Variants in PRDM10 observed in about 807,000 individuals in gnomAD.
The protein encoded by PRDM10 is PR domain zinc finger protein 10.
In PRDM10, 65 loss-of-function variants were observed where a neutral mutation model predicts 133.1. That is an observed-to-expected ratio of 0.49 (90% CI 0.40 to 0.60). The LOEUF is 0.60. Ranked by LOEUF, PRDM10 falls within the 20% of genes least tolerant of loss-of-function variation. The pLI, the probability that PRDM10 is intolerant of heterozygous loss-of-function variation, is 0.00. For synonymous variants in PRDM10, 582 were observed against 580.4 expected (o/e 1.00, Z -0.04); for missense variants, 1,137 against 1,507.1 (o/e 0.75, Z 4.07).
chr11:129,977,302 T>C (rs905661977), intron 1 of PRDM10, among the ~76,000 whole-genome samples: 1 of 113,746 alleles, frequency 8.8e-6, no homozygotes, highest in Non-Finnish European at 1.9e-5. Flanking sequence ...ACACACACAT[T>C]GAGATGCAGT....
Position 129,931,082 on chromosome 11 carries a change from T to C in PRDM10, c.1464A>G (p.Glu488=). Residue 488 remains glutamate, a synonymous_variant, in exon 11 of 21, where the codon GAA becomes GAG. Coordinates refer to ENST00000360871, the MANE Select transcript of PRDM10 (RefSeq NM_199437.2). ...THTLHLQPQH[E]ESVVPTQSTL... ...TGCTCTGGGTGGGCACCACGCTCTC[T>C]TCATGCTGCGGCTGCAGGTGCAGGG... 6.2e-7 allele frequency: 1 copy of C among 1,614,222 alleles called. No homozygotes were observed. The highest frequency in any genetic ancestry group is 8.5e-7 in the Non-Finnish European group (1 of 1,180,036).
intron 1 of PRDM10, among the ~76,000 whole-genome samples, chr11:130,002,416 G>T (rs1336180289): frequency 1.3e-5 from 2 of 152,146 alleles, no homozygotes; most frequent in African/African-American, 4.8e-5. Context: ...CTGCTGGAGG[G>T]GGCCTTGCCC....
At chr11:129,909,268 G>A (rs531838129) in intron 19 of PRDM10, among the ~76,000 whole-genome samples, 1 of 151,468 alleles carries the variant, frequency 6.6e-6, no homozygotes, top group South Asian at 2.1e-4. Flanking sequence ...TGGCAAACAT[G>A]GTGAAACCCC....
chr11:129,959,148 C>A (rs1164576360), intron 2 of PRDM10, among the ~76,000 whole-genome samples: 1 of 152,114 alleles, frequency 6.6e-6, no homozygotes, highest in African/African-American at 2.4e-5. Context: ...AGTAGATCCC[C>A]AAGATAATAT....
chr11:129,953,451 G>A (rs1179490802), intron 4 of PRDM10, among the ~76,000 whole-genome samples: 5 of 151,566 alleles, frequency 3.3e-5, no homozygotes, highest in South Asian at 2.1e-4. Context: ...GCGCCACCAC[G>A]CCCAGCTAAT....
At chr11:129,910,110 A>C (rs1236765439) in intron 19 of PRDM10, among the ~76,000 whole-genome samples, 2 of 152,226 alleles carry the variant, frequency 1.3e-5, no homozygotes, top group Non-Finnish European at 2.9e-5. Context: ...TACCGATACT[A>C]ATGAGAATAT....
chr11:129,929,111 G>A (rs1163558495), intron 11 of PRDM10, among the ~76,000 whole-genome samples: 1 of 152,158 alleles, frequency 6.6e-6, no homozygotes, highest in African/African-American at 2.4e-5. Flanking sequence ...ACCTAGCATA[G>A]TGCCAAATAG....
intron 1 of PRDM10, among the ~76,000 whole-genome samples, chr11:129,993,524 G>A (rs553980769): frequency 2.1e-4 from 32 of 151,394 alleles, no homozygotes; most frequent in Non-Finnish European, 3.2e-4. Flanking sequence ...TCGTTGTGTC[G>A]CCCAGGCTGG....
chr11:129,961,085 G>C lies in PRDM10; in HGVS notation c.-118-3C>G. 1 of 668,910 alleles carries C rather than the reference G, an allele frequency of 1.5e-6. No homozygotes were observed. The highest frequency in any genetic ancestry group is 2.4e-6 in the Non-Finnish European group (1 of 413,258). 41.4% of individuals were successfully genotyped at this position (668,910 alleles called of 1,614,324 possible). A position where few individuals can be genotyped will look rare whatever the true frequency, so the allele number is the denominator to read the frequency against. ...GGAAAGGTCTGTCTGCAGCATGCCT[G>C]AGAAAACACAGAAAAGGAACCAAGA... On this transcript the variant is annotated splice_polypyrimidine_tract_variant and splice_region_variant and intron_variant, in intron 1 of 20. Transcript: ENST00000360871.
intron 1 of PRDM10, among the ~76,000 whole-genome samples, chr11:129,981,844 C>T (rs1452486848): frequency 1.3e-5 from 2 of 150,164 alleles, no homozygotes; most frequent in Non-Finnish European, 3.0e-5. Flanking sequence ...TGCAGTGAGC[C>T]GAGATCGCAT....
chr11:129,975,055 T>C (rs1366976914), intron 1 of PRDM10, among the ~76,000 whole-genome samples: 2 of 151,558 alleles, frequency 1.3e-5, no homozygotes, highest in Non-Finnish European at 2.9e-5. Context: ...GGGGATGGAG[T>C]TTCCTTGGGG....
At chr11:129,955,646 G>A in intron 3 of PRDM10, 75 bp from the exon 4 acceptor site, 1 of 1,370,514 alleles carries the variant, frequency 7.3e-7, no homozygotes. Context: ...TTATCCTACT[G>A]CTAAGCACCA....
At chr11:129,982,367 ATTC>A (rs1938163395) in intron 1 of PRDM10, among the ~76,000 whole-genome samples, 1 of 151,940 alleles carries the variant, frequency 6.6e-6, no homozygotes, top group African/African-American at 2.4e-5. Flanking sequence ...GGCTCAAGCA[ATTC>A]TTCTGCCTCA....
At position 129,901,178 on chromosome 11, in the gene PRDM10, C is replaced by T. The variant is rs1485512351; in HGVS notation, c.*1135G>A. The T allele has an allele frequency of 2.0e-5, 3 of 152,614 alleles. No homozygotes were observed. The highest frequency in any genetic ancestry group is 4.4e-5 in the Non-Finnish European group (3 of 68,042). The allele number at this position is 152,614 out of a possible 1,614,324, so 9.5% of individuals were successfully genotyped here. A position where few individuals can be genotyped will look rare whatever the true frequency, so the allele number is the denominator to read the frequency against. On this transcript the variant is annotated 3_prime_UTR_variant, in exon 21 of 21. Coordinates refer to ENST00000360871, the MANE Select transcript of PRDM10 (RefSeq NM_199437.2). ...TACCTGAATTATTAGAAGTGGCCAT[C>T]ACATTTTAATTTTTTCCCTAAGTGT...
rs190271611 is a variant in PRDM10 at position 129,901,657 on chromosome 11, C to G, written c.*656G>C. 1.9e-4 allele frequency: 29 copies of G among 152,278 alleles called. No individual in the cohort carries two copies. Among genetic ancestry groups the G allele is most frequent in the African/African-American group, 6.7e-4 (28 of 41,540 alleles). The allele number at this position is 152,278 out of a possible 1,614,324, so 9.4% of individuals were successfully genotyped here. Reference sequence around the variant, plus strand: ...CAGAACATGAGCTTCTGACCTAATCCACTGAGGACCAGCATCTGTGGAAAG... The same window carrying G: ...CAGAACATGAGCTTCTGACCTAATCGACTGAGGACCAGCATCTGTGGAAAG... On this transcript the variant is annotated 3_prime_UTR_variant, in exon 21 of 21. Transcript: ENST00000360871.
chr11:130,001,742 T>G (rs1328316002), intron 1 of PRDM10, among the ~76,000 whole-genome samples: 2 of 152,194 alleles, frequency 1.3e-5, no homozygotes, highest in African/African-American at 4.8e-5. Context: ...GGGTTAAACC[T>G]GCTTAACAAA....
chr11:129,938,741 C>A (rs1346112205), intron 7 of PRDM10, among the ~76,000 whole-genome samples: 5 of 152,154 alleles, frequency 3.3e-5, no homozygotes, highest in Non-Finnish European at 7.3e-5. Flanking sequence ...AAAGAACACA[C>A]AATCAGATCT....
intron 1 of PRDM10, among the ~76,000 whole-genome samples, chr11:129,970,150 T>C (rs542195594): frequency 6.6e-6 from 1 of 152,316 alleles, no homozygotes; most frequent in Admixed American, 6.5e-5. Context: ...AGCTGACATG[T>C]TATGTTATAA....
At chr11:129,902,641 C>T in intron 20 of PRDM10, 125 bp from the exon 21 acceptor site, 2 of 1,418,622 alleles carry the variant, frequency 1.4e-6, no homozygotes, top group South Asian at 2.9e-5. Context: ...ATGAGAGATG[C>T]TTTGCCTAGG....
Sources: allele counts gnomAD v4.1 joint callset (sites outside exome capture counted in the v4.1 genomes callset), GRCh38; gene constraint gnomAD v4.1.1; transcripts MANE v1.5; gene names NCBI Gene and HGNC (gene_info 2026-07-23, HGNC 2026-07-21).